The following LONP2 variants were observed in gnomAD, a reference collection of about 807,000 sequenced individuals.
LONP2 encodes lon peptidase 2, peroxisomal.
LONP2 carries 60 observed loss-of-function variants against 85.6 expected under a neutral mutation model. That is an observed-to-expected ratio of 0.70 (90% CI 0.57 to 0.87). The LOEUF (loss-of-function observed/expected upper bound fraction) is 0.87, where lower values mean the gene tolerates loss of function less well. Ranked by LOEUF, LONP2 falls within the 40% of genes least tolerant of loss-of-function variation. LONP2 has a pLI of 0.00. For missense variants in LONP2, 860 were observed against 1,063.5 expected (o/e 0.81, Z 2.66); for synonymous variants, 395 against 389.7 (o/e 1.01, Z -0.16).
intron 11 of LONP2, among the ~76,000 whole-genome samples, chr16:48,315,749 T>C (rs1298480523): frequency 6.6e-6 from 1 of 152,192 alleles, no homozygotes; most frequent in Non-Finnish European, 1.5e-5. Flanking sequence ...TTTCAAATAT[T>C]CTTCCCATTT....
At chr16:48,361,704 G>C, downstream of LONP2, 1 of 1,614,164 alleles carries the variant, frequency 6.2e-7, no homozygotes, top group Non-Finnish European at 8.5e-7. Flanking sequence ...TTCATGAATA[G>C]ATCGAGGAGT....
chr16:48,266,900 G>GAGTA (rs1491108228), intron 6 of LONP2, among the ~76,000 whole-genome samples: 1 of 151,890 alleles, frequency 6.6e-6, no homozygotes, highest in African/African-American at 2.4e-5. Context: ...AGACCAGCAT[G>GAGTA]AGTAACACAG....
chr16:48,314,851 T>C (rs1021712626), intron 11 of LONP2, among the ~76,000 whole-genome samples: 4 of 152,248 alleles, frequency 2.6e-5, no homozygotes, highest in Non-Finnish European at 5.9e-5. Flanking sequence ...GGCCTCCTGT[T>C]CAACAAACTT....
chr16:48,286,948 G>T (rs1406541221), intron 8 of LONP2, among the ~76,000 whole-genome samples: 2 of 152,058 alleles, frequency 1.3e-5, no homozygotes, highest in Non-Finnish European at 2.9e-5. Context: ...AACCTTAAGG[G>T]TTTTTTGTTT....
intron 11 of LONP2, among the ~76,000 whole-genome samples, chr16:48,318,908 T>G (rs923732916): frequency 6.6e-6 from 1 of 152,152 alleles, no homozygotes; most frequent in Non-Finnish European, 1.5e-5. Flanking sequence ...TTATTTTAAG[T>G]GCAGCTCCTT....
At chr16:48,252,016 CA>C (rs1971663260) in intron 1 of LONP2, 114 bp from the exon 2 acceptor site, 1 of 732,172 alleles carries the variant, frequency 1.4e-6, no homozygotes, top group East Asian at 3.0e-5. Context: ...AATTTATTTA[CA>C]CTTCAGATGT....
intron 6 of LONP2, among the ~76,000 whole-genome samples, 164 bp from the exon 7 acceptor site, chr16:48,269,852 C>G (rs1972065415): frequency 6.6e-6 from 1 of 152,008 alleles, no homozygotes; most frequent in African/African-American, 2.4e-5. Flanking sequence ...GCAGAGAAAC[C>G]AAACCAAATG....
chr16:48,256,602 C>A lies in LONP2; in HGVS notation c.469-8C>A. 6.2e-7 allele frequency: 1 copy of A among 1,604,722 alleles called. No individual in the cohort carries two copies. Among genetic ancestry groups the A allele is most frequent in the South Asian group, 1.1e-5 (1 of 88,738 alleles). ...TTTCATTTAAAAGACTTTTTTTCCC[C>A]CTTCTAGTTGGTTGAAATGTTGGAT... On this transcript the variant is annotated splice_polypyrimidine_tract_variant and splice_region_variant and intron_variant, in intron 2 of 14. Coordinates refer to ENST00000285737, the MANE Select transcript of LONP2 (RefSeq NM_031490.5).
At position 48,362,481 on chromosome 16, in the gene LONP2, T is replaced by G. The variant is rs754813605; in HGVS notation, c.*618T>G. ...GAGAAAAATAATTATAACCATGACT[T>G]ACTTTATAAATAATGTTTACATGCC... is the stretch of plus-strand genomic sequence containing the variant. On this transcript the variant is annotated 3_prime_UTR_variant, in exon 5 of 5. Transcript: ENST00000565867. The surrounding 1 kb of genome is among the most constrained non-coding windows in gnomAD (Gnocchi z 4.2). The G allele has an allele frequency of 1.5e-5, 23 of 1,579,950 alleles. No individual in the cohort carries two copies. The highest frequency in any genetic ancestry group is 6.9e-5 in the Admixed American group (4 of 58,218).
intron 8 of LONP2, among the ~76,000 whole-genome samples, 190 bp downstream of exon 8, chr16:48,277,669 T>C (rs1972240475): frequency 6.6e-6 from 1 of 151,056 alleles, no homozygotes; most frequent in Non-Finnish European, 1.5e-5. Flanking sequence ...CTAAGTCCCC[T>C]TTTTTTTTAT....
intron 2 of LONP2, 108 bp from the exon 3 acceptor site, chr16:48,256,502 A>G: frequency 8.3e-7 from 1 of 1,204,150 alleles, no homozygotes; most frequent in Non-Finnish European, 1.2e-6. Flanking sequence ...GTGATCTTTC[A>G]AAAACAAAGA....
intron 3 of LONP2, among the ~76,000 whole-genome samples, chr16:48,257,271 A>G (rs918284286): frequency 3.9e-5 from 6 of 152,140 alleles, no homozygotes; most frequent in Non-Finnish European, 7.3e-5. Context: ...AGATTGCACC[A>G]CTGCACTCCA....
intron 11 of LONP2, among the ~76,000 whole-genome samples, chr16:48,304,267 C>T (rs1395857369): frequency 6.6e-6 from 1 of 152,182 alleles, no homozygotes; most frequent in Non-Finnish European, 1.5e-5. Context: ...TCTGGAATAG[C>T]TCCATGTGTA....
At chr16:48,347,741 G>A in intron 13 of LONP2, 27 bp downstream of exon 13, 1 of 1,597,560 alleles carries the variant, frequency 6.3e-7, no homozygotes, top group Non-Finnish European at 8.5e-7. Context: ...GGCCAGGCAG[G>A]CGTGACCCAG....
intron 11 of LONP2, 93 bp from the exon 12 acceptor site, chr16:48,334,123 G>A: frequency 8.9e-7 from 1 of 1,124,256 alleles, no homozygotes; most frequent in Non-Finnish European, 1.3e-6. Context: ...GAACTTTTGA[G>A]GTCCACTGGG....
chr16:48,323,853 C>G (rs1188402339), intron 11 of LONP2, among the ~76,000 whole-genome samples: 1 of 152,116 alleles, frequency 6.6e-6, no homozygotes, highest in Non-Finnish European at 1.5e-5. Context: ...TATTGCTGGC[C>G]TGAAGGTTCT....
intron 8 of LONP2, among the ~76,000 whole-genome samples, chr16:48,291,494 G>A (rs1407350674): frequency 1.3e-5 from 2 of 152,044 alleles, no homozygotes; most frequent in Non-Finnish European, 2.9e-5. Flanking sequence ...TTCCTCCCAC[G>A]GTTCATCCCA....
At chr16:48,254,086 TTTCTC>T (rs1405807835) in intron 2 of LONP2, among the ~76,000 whole-genome samples, 2 of 152,224 alleles carry the variant, frequency 1.3e-5, no homozygotes, top group Non-Finnish European at 2.9e-5. Context: ...TCTTGAACCT[TTTCTC>T]TTCACTGAGC....
At chr16:48,288,150 C>CTTTTTTTT (rs1170612024) in intron 8 of LONP2, among the ~76,000 whole-genome samples, 4 of 121,534 alleles carry the variant, frequency 3.3e-5, no homozygotes, top group Admixed American at 8.5e-5. Flanking sequence ...TAGTCTTCTT[C>CTTTTTTTT]TTTTTTTTTT....
Sources: allele counts gnomAD v4.1 joint callset (sites outside exome capture counted in the v4.1 genomes callset), GRCh38; gene constraint gnomAD v4.1.1; non-coding constraint Gnocchi (gnomAD v3.1); transcripts MANE v1.5; gene names NCBI Gene and HGNC (gene_info 2026-07-23, HGNC 2026-07-21).